The following EPHA6 variants were observed in gnomAD, a reference collection of about 807,000 sequenced individuals.
EPHA6 encodes the protein EPH receptor A6.
A neutral mutation model predicts 112.0 loss-of-function variants in EPHA6; 50 were observed. That is an observed-to-expected ratio of 0.45 (90% CI 0.36 to 0.56). The LOEUF (loss-of-function observed/expected upper bound fraction) is 0.56. EPHA6 is among the 20% of genes least tolerant of loss of function. EPHA6 has a pLI of 0.00. For synonymous variants in EPHA6, 529 were observed against 490.7 expected, an observed-to-expected ratio of 1.08 and a Z score of -1.03; for missense variants, 1,280 against 1,417.4, an observed-to-expected ratio of 0.90 and a Z score of 1.56.
chr3:96,997,700 C>A (rs2043474244), intron 3 of EPHA6, among the ~76,000 whole-genome samples: 1 of 151,956 alleles, frequency 6.6e-6, no homozygotes, highest in Admixed American at 6.6e-5. Flanking sequence ...TTGATAATAT[C>A]TGTTATGGTG....
At chr3:97,549,816 TAATAAAATAAAATAAAATAAAATA>T (rs1041273997) in intron 11 of EPHA6, among the ~76,000 whole-genome samples, 38 of 151,528 alleles carry the variant, frequency 2.5e-4, no homozygotes, top group Middle Eastern at 3.4e-3. Context: ...GTCTCCAAAA[TAATAAAATAAAATAAAATAAAATA>T]AATAAAATAA....
intron 14 of EPHA6, among the ~76,000 whole-genome samples, chr3:97,656,794 A>G (rs771906227): frequency 2.9e-4 from 44 of 151,958 alleles, no homozygotes; most frequent in Admixed American, 1.6e-3. Flanking sequence ...CTCTGAATGC[A>G]TCTATGATCC....
In EPHA6 at chr3:96,962,985, C is replaced by A. The variant is rs578051057; in HGVS notation, c.451-24345C>A. On this transcript the variant is annotated intron_variant, in intron 2 of 17. Coordinates refer to ENST00000389672, the MANE Select transcript of EPHA6 (RefSeq NM_001080448.3). ...CATGGGAAACATGGTGAAACCCTGT[C>A]TCTACAAAAAATACAAAAATTAGCT... is the stretch of plus-strand genomic sequence containing the variant. 5.3e-5 allele frequency among the ~76,000 whole-genome samples: 8 copies of A among 151,990 alleles called. 1 individual carries two copies. The South Asian group carries it at 1.7e-3, about 32-fold the overall frequency.
chr3:97,113,071 C>G (rs553147685), intron 3 of EPHA6, among the ~76,000 whole-genome samples: 8 of 152,088 alleles, frequency 5.3e-5, no homozygotes, highest in Non-Finnish European at 1.0e-4. Flanking sequence ...TGCTATGTGT[C>G]AGGCCCTCAA....
intron 3 of EPHA6, among the ~76,000 whole-genome samples, chr3:97,060,410 G>A (rs1014018930): frequency 1.3e-5 from 2 of 152,082 alleles, no homozygotes; most frequent in South Asian, 4.1e-4. Context: ...TTCATCAAAT[G>A]AACATATATA....
intron 3 of EPHA6, among the ~76,000 whole-genome samples, chr3:97,096,392 T>C (rs1322221319): frequency 6.6e-6 from 1 of 151,874 alleles, no homozygotes; most frequent in African/African-American, 2.4e-5. Context: ...TAGAAGTATA[T>C]TATTGTATAG....
intron 3 of EPHA6, among the ~76,000 whole-genome samples, chr3:97,136,379 C>T (rs891657434): frequency 6.6e-6 from 1 of 151,964 alleles, no homozygotes; most frequent in Non-Finnish European, 1.5e-5. Flanking sequence ...AAAGATAAAA[C>T]TCAACTGCTA....
At chr3:96,865,706 A>AG (rs1387072594) in intron 1 of EPHA6, among the ~76,000 whole-genome samples, 4 of 151,274 alleles carry the variant, frequency 2.6e-5, no homozygotes, top group South Asian at 2.1e-4. Flanking sequence ...AAAAAAAAAA[A>AG]AAAAAAAAAG....
intron 10 of EPHA6, among the ~76,000 whole-genome samples, chr3:97,491,713 G>A (rs1193224276): frequency 6.6e-6 from 1 of 150,972 alleles, no homozygotes; most frequent in African/African-American, 2.4e-5. Flanking sequence ...CATTGTCATA[G>A]AGACCCAGTC....
chr3:97,099,369 G>A (rs1363795501), intron 3 of EPHA6, among the ~76,000 whole-genome samples: 2 of 151,826 alleles, frequency 1.3e-5, no homozygotes, highest in East Asian at 3.9e-4. Context: ...GATTTTGTGG[G>A]TCAGAAATCT....
At chr3:96,976,174 G>A (rs532779763) in intron 2 of EPHA6, among the ~76,000 whole-genome samples, 29 of 152,074 alleles carry the variant, frequency 1.9e-4, no homozygotes, top group Non-Finnish European at 3.5e-4. Flanking sequence ...AACTTTAAGT[G>A]GGACAGAACT....
chr3:97,588,692 A>G (rs2107327554), intron 11 of EPHA6, among the ~76,000 whole-genome samples: 1 of 152,340 alleles, frequency 6.6e-6, no homozygotes, highest in African/African-American at 2.4e-5. Flanking sequence ...TTATATTTAT[A>G]ATCATTTGCT....
At chr3:97,582,374 A>C (rs1406112455) in intron 11 of EPHA6, among the ~76,000 whole-genome samples, 1 of 151,774 alleles carries the variant, frequency 6.6e-6, no homozygotes, top group Non-Finnish European at 1.5e-5. Context: ...CGGTAGGGAG[A>C]TTTTGGAATT....
At chr3:97,005,271 T>G (rs1470479637) in intron 3 of EPHA6, among the ~76,000 whole-genome samples, 1 of 152,174 alleles carries the variant, frequency 6.6e-6, no homozygotes, top group Non-Finnish European at 1.5e-5. Context: ...TCCCATTTGT[T>G]TATGTTCTCT....
chr3:96,946,563 C>G (rs1395323012), intron 2 of EPHA6, among the ~76,000 whole-genome samples: 1 of 152,124 alleles, frequency 6.6e-6, no homozygotes, highest in Non-Finnish European at 1.5e-5. Context: ...TTTTCTTAAT[C>G]CAGTCTATCA....
At chr3:97,235,310 C>T (rs896006230) in intron 4 of EPHA6, among the ~76,000 whole-genome samples, 3 of 152,050 alleles carry the variant, frequency 2.0e-5, no homozygotes, top group Non-Finnish European at 4.4e-5. Context: ...CAAGCTCAAC[C>T]TGAGTTAGCC....
At chr3:97,566,941 C>T (rs1447375094) in intron 11 of EPHA6, among the ~76,000 whole-genome samples, 1 of 152,166 alleles carries the variant, frequency 6.6e-6, no homozygotes. Context: ...TGGAACTCAA[C>T]AGGAATGGAG....
intron 3 of EPHA6, among the ~76,000 whole-genome samples, chr3:97,203,125 A>C (rs2077622440): frequency 6.6e-6 from 1 of 152,114 alleles, no homozygotes; most frequent in Admixed American, 6.6e-5. Flanking sequence ...GGCTTTATTA[A>C]GCAGGGTAAG....
intron 2 of EPHA6, among the ~76,000 whole-genome samples, chr3:96,970,249 A>G (rs1286143641): frequency 1.3e-5 from 2 of 149,394 alleles, no homozygotes; most frequent in African/African-American, 5.0e-5. Context: ...ACACACACAC[A>G]CACACACACA....
Sources: allele counts gnomAD v4.1 joint callset (sites outside exome capture counted in the v4.1 genomes callset), GRCh38; gene constraint gnomAD v4.1.1; transcripts MANE v1.5; gene names NCBI Gene and HGNC (gene_info 2026-07-23, HGNC 2026-07-21).